The following SP7 variants were observed in gnomAD, a reference collection of about 807,000 sequenced individuals.
SP7 encodes Sp7 transcription factor.
Under a neutral mutation model 27.9 loss-of-function variants are expected in SP7, and 13 were observed. That is an observed-to-expected ratio of 0.47 (90% CI 0.30 to 0.74). The LOEUF is 0.74. SP7 is among the 30% of genes least tolerant of loss of function. The pLI is 0.06. For synonymous variants in SP7, 219 were observed against 226.7 expected, an observed-to-expected ratio of 0.97 and a Z score of 0.31; for missense variants, 525 against 558.0, an observed-to-expected ratio of 0.94 and a Z score of 0.60.
In SP7 at chr12:53,328,604, G is replaced by T. The variant is rs760112039; in HGVS notation, c.838C>A (p.Arg280=). Residue 280 remains arginine (R), a synonymous_variant, in exon 3 of 3, where the codon CGG becomes AGG. Coordinates refer to ENST00000536324, the MANE Select transcript of SP7 (RefSeq NM_001173467.3). This position sits in a 1 kb window ranked among gnomAD's most constrained non-coding sequence, Gnocchi z 5.1. The stretch of plus-strand genomic sequence containing the variant: ...AGCCCAGCCGCTGCTGCTCCCAGCC[G>T]CTCTAGCTCCTGGCAATTAGGGCAG... ...CDCPNCQELE[R]LGAAAAGLRK... 1.9e-6 allele frequency: 3 copies of T among 1,609,944 alleles called. No homozygotes were observed. Among genetic ancestry groups the T allele is most frequent in the Non-Finnish European group, 2.5e-6 (3 of 1,177,070 alleles).
intron 1 of SP7, 143 bp from the exon 2 acceptor site, chr12:53,335,836 C>T: frequency 2.1e-6 from 3 of 1,404,734 alleles, no homozygotes; most frequent in South Asian, 3.2e-5. Flanking sequence ...CTAATTACAG[C>T]TTTCCCAGCG....
rs747832161 is a variant in SP7 at position 53,329,229 on chromosome 12, A to G, written c.213T>C (p.Thr71=). The change falls in exon 3 of 3, where the codon ACT becomes ACC. Residue 71 remains threonine (T), a synonymous_variant. Transcript: ENST00000536324. ...GDAYPAPFTS[T]NGLLSPAGSP... ...TGCCTGCAGGTGAAAGGAGCCCATT[A>G]GTGCTTGTAAAGGGGGCTGGATAAG... 1 of 1,613,790 alleles carries G rather than the reference A, an allele frequency of 6.2e-7. No individual in the cohort carries two copies. Among genetic ancestry groups the G allele is most frequent in the African/African-American group, 1.3e-5 (1 of 75,018 alleles).
chr12:53,329,463 G>T, intron 2 of SP7, 43 bp from the exon 3 acceptor site: 2 of 1,569,796 alleles, frequency 1.3e-6, no homozygotes, highest in Non-Finnish European at 8.7e-7. Flanking sequence ...GGGGAGGAGA[G>T]GTACAAAATG....
chr12:53,327,885 A>C lies in SP7; in HGVS notation c.*261T>G, dbSNP rs904807638. 3 of 468,228 alleles carry C rather than the reference A, an allele frequency of 6.4e-6. No individual in the cohort carries two copies. The highest frequency in any genetic ancestry group is 3.8e-5 in the Admixed American group (1 of 26,298). 29.0% of individuals were successfully genotyped at this position (468,228 alleles called of 1,614,324 possible). ...TGGTGTGGCAGGGCCAGAGTCTAGG[A>C]AGCCGGAGTGCAGGTATCAGGCACA... On this transcript the variant is annotated 3_prime_UTR_variant, in exon 3 of 3. Transcript: ENST00000536324.
intron 2 of SP7, among the ~76,000 whole-genome samples, chr12:53,332,059 C>T (rs1244627049): frequency 3.3e-5 from 5 of 152,176 alleles, no homozygotes; most frequent in African/African-American, 4.8e-5. Context: ...TGAACACTCA[C>T]GGTTCCCCCA....
rs745313036 is a variant in SP7, at chr12:53,328,852, G to A, written c.590C>T (p.Thr197Ile). The change falls in exon 3 of 3, where the codon ACC becomes ATC. Residue 197 changes from threonine to isoleucine, a missense_variant. Thr to Ile is a moderately conservative substitution (Grantham distance 89). Coordinates refer to ENST00000536324, the MANE Select transcript of SP7 (RefSeq NM_001173467.3). The surrounding 1 kb of genome is among the most constrained non-coding windows in gnomAD (Gnocchi z 5.1). ...AQPPLNPQLPTYPSDFAPLNP... is the reference protein window; with the variant it reads ...AQPPLNPQLPIYPSDFAPLNP... ...AAGGGGAGCAAAGTCAGATGGGTAG[G>A]TGGGCAGCTGGGGGTTCAGTGGAGG... is the stretch of plus-strand genomic sequence containing the variant. 1 of 1,603,844 alleles carries A rather than the reference G, an allele frequency of 6.2e-7. No homozygotes were observed. The highest frequency in any genetic ancestry group is 2.2e-5 in the East Asian group (1 of 44,678).
At chr12:53,335,017 C>G (rs1482645767) in intron 2 of SP7, among the ~76,000 whole-genome samples, 1 of 152,154 alleles carries the variant, frequency 6.6e-6, no homozygotes, top group Non-Finnish European at 1.5e-5. Flanking sequence ...CCTCACAGGC[C>G]TGGGCTCAGT....
chr12:53,328,182 T>G lies in SP7; in HGVS notation c.1260A>C (p.Gly420=), dbSNP rs778598948. ...ASPATPEKAP[G]GSPEQSNLLE... ...GCAAGTTGCTCTGCTCAGGGCTGCC[T>G]CCAGGGGCTTTCTCTGGGGTTGCTG... The change falls in exon 3 of 3, where the codon GGA becomes GGC. Residue 420 remains glycine, a synonymous_variant. Coordinates refer to ENST00000536324, the MANE Select transcript of SP7 (RefSeq NM_001173467.3). The surrounding 1 kb of genome is among the most constrained non-coding windows in gnomAD (Gnocchi z 5.1). 3.1e-6 allele frequency: 5 copies of G among 1,612,858 alleles called. No individual in the cohort carries two copies. The highest frequency in any genetic ancestry group is 4.2e-6 in the Non-Finnish European group (5 of 1,179,664).
At position 53,328,749 on chromosome 12, in the gene SP7, G is replaced by C; in HGVS notation, c.693C>G (p.Pro231=). 1.2e-6 allele frequency: 2 copies of C among 1,605,748 alleles called. No individual in the cohort carries two copies. Among genetic ancestry groups the C allele is most frequent in the Non-Finnish European group, 1.7e-6 (2 of 1,173,882 alleles). Residue 231 remains proline (P), a synonymous_variant, in exon 3 of 3, where the codon CCC becomes CCG. Coordinates refer to ENST00000536324, the MANE Select transcript of SP7 (RefSeq NM_001173467.3). The surrounding 1 kb of genome is among the most constrained non-coding windows in gnomAD (Gnocchi z 5.1). ...GCTGCCCACTATTTCCCACTGCCTTGGGTTTATAGACATCTTGGGGCAAGA... is the reference window on the plus strand; with the variant it reads ...GCTGCCCACTATTTCCCACTGCCTTCGGTTTATAGACATCTTGGGGCAAGA... The part of the protein sequence containing the change: ...QHVLPQDVYK[P]KAVGNSGQLE...
At position 53,327,207 on chromosome 12, in the gene SP7, T is replaced by G. The variant is rs1944642028; in HGVS notation, c.*939A>C. ...ATAGGACTTGAGGTTTCACAGCTTC[T>G]GGCTGGGGCTGGGGATATTAGGGAT... On this transcript the variant is annotated 3_prime_UTR_variant, in exon 3 of 3. Transcript: ENST00000536324. 1 of 152,654 alleles carries G rather than the reference T, an allele frequency of 6.6e-6. No homozygotes were observed. Among genetic ancestry groups the G allele is most frequent in the East Asian group, 1.9e-4 (1 of 5,206 alleles). 9.5% of individuals were successfully genotyped at this position (152,654 alleles called of 1,614,324 possible).
At chr12:53,335,582 T>A in intron 2 of SP7, 44 bp downstream of exon 2, 1 of 998,072 alleles carries the variant, frequency 1.0e-6, no homozygotes, top group Non-Finnish European at 1.6e-6. Context: ...ACTAGGACCA[T>A]TAAGGTTGTG....
Position 53,328,670 on chromosome 12 carries a change from C to T in SP7, c.772G>A (p.Gly258Ser). 6.2e-7 allele frequency: 1 copy of T among 1,609,358 alleles called. No homozygotes were observed. The highest frequency in any genetic ancestry group is 8.5e-7 in the Non-Finnish European group (1 of 1,176,636). ...CCTGCCCCACTGCCCCCATATCCAC[C>T]ACTACCCCCAGTGCTTGCACCCCGT... ...PPRGASTGGSGGYGGSGAGRS... is the reference protein window; with the variant it reads ...PPRGASTGGSSGYGGSGAGRS... Residue 258 changes from glycine (G) to serine (S), a missense_variant, in exon 3 of 3, where the codon GGT (glycine) becomes AGT (serine). Physicochemically the swap from Gly to Ser is moderately conservative, Grantham distance 56. Transcript: ENST00000536324. This position sits in a 1 kb window ranked among gnomAD's most constrained non-coding sequence, Gnocchi z 5.1.
At position 53,326,582 on chromosome 12, in the gene SP7, T is replaced by A. The variant is rs1944630673; in HGVS notation, c.*1564A>T. ...TTTCTCACCAGGACAAAATTTCAAATCCAACTTTTATTTATTAAATTAAAA... is the reference window on the plus strand; with the variant it reads ...TTTCTCACCAGGACAAAATTTCAAAACCAACTTTTATTTATTAAATTAAAA... On this transcript the variant is annotated 3_prime_UTR_variant, in exon 3 of 3. Transcript: ENST00000536324. 1 of 151,828 alleles carries A rather than the reference T, an allele frequency of 6.6e-6. No homozygotes were observed. The highest frequency in any genetic ancestry group is 6.6e-5 in the Admixed American group (1 of 15,236). The allele number at this position is 151,828 out of a possible 1,614,324, so 9.4% of individuals were successfully genotyped here. A position where few individuals can be genotyped will look rare whatever the true frequency, so the allele number is the denominator to read the frequency against.
intron 2 of SP7, 86 bp downstream of exon 2, chr12:53,335,540 C>G: frequency 1.3e-6 from 1 of 749,624 alleles, no homozygotes; most frequent in Admixed American, 2.0e-5. Context: ...CAGCTACTAT[C>G]TATGTGAGTT....
chr12:53,332,879 T>C (rs1944721852), intron 2 of SP7, among the ~76,000 whole-genome samples: 1 of 151,474 alleles, frequency 6.6e-6, no homozygotes, highest in Non-Finnish European at 1.5e-5. Flanking sequence ...CCAGCCCGGC[T>C]CCGATGGTTT....
chr12:53,328,179 G>A lies in SP7; in HGVS notation c.1263C>T (p.Gly421=). Residue 421 remains glycine, a synonymous_variant, in exon 3 of 3, where the codon GGC becomes GGT. Transcript: ENST00000536324. The surrounding 1 kb of genome is among the most constrained non-coding windows in gnomAD (Gnocchi z 5.1). ...CCAGCAAGTTGCTCTGCTCAGGGCT[G>A]CCTCCAGGGGCTTTCTCTGGGGTTG... The part of the protein sequence containing the change: ...SPATPEKAPG[G]SPEQSNLLEI 1.2e-6 allele frequency: 2 copies of A among 1,612,802 alleles called. No individual in the cohort carries two copies. Among genetic ancestry groups the A allele is most frequent in the Non-Finnish European group, 1.7e-6 (2 of 1,179,618 alleles).
chr12:53,331,053 G>C (rs967523742), intron 2 of SP7, among the ~76,000 whole-genome samples: 2 of 152,206 alleles, frequency 1.3e-5, no homozygotes, highest in Non-Finnish European at 2.9e-5. Context: ...AAGGAATGGG[G>C]TAACTAAGAT....
chr12:53,339,335 G>A (rs1458419642), upstream of SP7, among the ~76,000 whole-genome samples: 3 of 152,190 alleles, frequency 2.0e-5, no homozygotes, highest in South Asian at 4.1e-4. Context: ...GGTGGGCTTT[G>A]TAGGTTAGAG....
intron 2 of SP7, 141 bp from the exon 3 acceptor site, chr12:53,329,561 G>A: frequency 1.4e-6 from 1 of 718,654 alleles, no homozygotes; most frequent in Non-Finnish European, 2.3e-6. Flanking sequence ...GAGAATTACA[G>A]GTAAAAGAGG....
Sources: gnomAD v4.1 joint callset for allele counts (sites outside exome capture counted in the v4.1 genomes callset) on GRCh38, gnomAD v4.1.1 for gene constraint, Gnocchi (gnomAD v3.1) non-coding constraint, MANE v1.5 for transcripts, NCBI Gene and HGNC (gene_info 2026-07-23, HGNC 2026-07-21) for gene names.